The following APBB2 variants were observed in gnomAD, a reference collection of about 807,000 sequenced individuals.
APBB2 encodes amyloid beta precursor protein binding family B member 2.
Under a neutral mutation model 82.5 loss-of-function variants are expected in APBB2, and 38 were observed. The ratio of observed to expected loss-of-function variants is 0.46; its 90% confidence interval spans 0.36 to 0.60. APBB2 has a LOEUF of 0.60. Ranked by LOEUF, APBB2 falls within the 20% of genes least tolerant of loss-of-function variation. APBB2 has a pLI of 0.00. For missense variants in APBB2, 772 were observed against 972.3 expected (o/e 0.79, Z 2.74); for synonymous variants, 341 against 368.2 (o/e 0.93, Z 0.85).
At chr4:40,925,897 C>G (rs1297922681) in intron 10 of APBB2, among the ~76,000 whole-genome samples, 1 of 152,164 alleles carries the variant, frequency 6.6e-6, no homozygotes, top group Non-Finnish European at 1.5e-5. Context: ...AATCTCATGT[C>G]CATTCGCCAT....
At chr4:40,928,322 C>T (rs1223572279) in intron 10 of APBB2, among the ~76,000 whole-genome samples, 1 of 151,460 alleles carries the variant, frequency 6.6e-6, no homozygotes, top group African/African-American at 2.4e-5. Flanking sequence ...GCAGTGGGAT[C>T]GCCTGAGGTC....
At chr4:41,150,747 T>C (rs892514195) in intron 1 of APBB2, among the ~76,000 whole-genome samples, 20 of 152,300 alleles carry the variant, frequency 1.3e-4, no homozygotes, top group African/African-American at 4.8e-4. Context: ...TTTTGTTTGT[T>C]TGTTTGTTCT....
chr4:41,140,906 C>T (rs187645830), intron 2 of APBB2, among the ~76,000 whole-genome samples: 16 of 152,242 alleles, frequency 1.1e-4, no homozygotes, highest in Non-Finnish European at 1.6e-4. Flanking sequence ...GCTCAGGGCT[C>T]CCACTGATTC....
intron 10 of APBB2, among the ~76,000 whole-genome samples, chr4:40,899,197 ATGT>A (rs1192115906): frequency 1.3e-5 from 2 of 152,208 alleles, no homozygotes; most frequent in African/African-American, 4.8e-5. Flanking sequence ...CTCACAACAA[ATGT>A]TGTCAGGATT....
intron 2 of APBB2, among the ~76,000 whole-genome samples, chr4:41,137,757 G>A (rs1757978784): frequency 1.3e-5 from 2 of 152,096 alleles, no homozygotes. Context: ...TCACTGGTTA[G>A]CCTTTTCTGC....
At chr4:41,203,221 CGT>C (rs1777145014) in intron 1 of APBB2, among the ~76,000 whole-genome samples, 1 of 151,788 alleles carries the variant, frequency 6.6e-6, no homozygotes, top group African/African-American at 2.4e-5. Context: ...CACACACACA[CGT>C]GTACACGTAA....
At chr4:41,203,850 A>G (rs780067870) in intron 1 of APBB2, among the ~76,000 whole-genome samples, 2 of 152,224 alleles carry the variant, frequency 1.3e-5, no homozygotes, top group African/African-American at 2.4e-5. Flanking sequence ...AGCATGAGAA[A>G]TCAGCAGCCT....
At chr4:41,133,684 T>A (rs1756726008) in intron 2 of APBB2, among the ~76,000 whole-genome samples, 1 of 152,182 alleles carries the variant, frequency 6.6e-6, no homozygotes, top group African/African-American at 2.4e-5. Context: ...CAGGTGAGAA[T>A]ACTAGAAAAG....
intron 10 of APBB2, among the ~76,000 whole-genome samples, chr4:40,899,777 A>G (rs28513842): frequency 0.039 from 5,880 of 152,244 alleles, 371 homozygotes; most frequent in African/African-American, 0.13. Context: ...CTTTAATGCA[A>G]GCAGCAAAAT....
At chr4:41,090,332 G>A (rs891031272) in intron 3 of APBB2, among the ~76,000 whole-genome samples, 2 of 152,136 alleles carry the variant, frequency 1.3e-5, no homozygotes, top group East Asian at 1.9e-4. Context: ...AGATTTTCTC[G>A]AAGGATGCTA....
intron 1 of APBB2, among the ~76,000 whole-genome samples, chr4:41,192,020 T>C (rs909731840): frequency 3.3e-5 from 5 of 152,120 alleles, no homozygotes; most frequent in African/African-American, 1.2e-4. Context: ...CCAACAGATA[T>C]ATGAAAAGAA....
chr4:41,057,191 C>T (rs1382134341), intron 4 of APBB2, among the ~76,000 whole-genome samples: 1 of 152,242 alleles, frequency 6.6e-6, no homozygotes, highest in Non-Finnish European at 1.5e-5. Context: ...TGTCTCAAGC[C>T]TGTAATCCCA....
intron 3 of APBB2, among the ~76,000 whole-genome samples, chr4:41,077,376 AG>A (rs1433454404): frequency 2.4e-4 from 36 of 152,056 alleles, no homozygotes; most frequent in African/African-American, 8.7e-4. Flanking sequence ...TCTGACAAAT[AG>A]GAACTCCAAA....
At chr4:40,983,555 T>C (rs1799653885) in intron 6 of APBB2, among the ~76,000 whole-genome samples, 1 of 149,512 alleles carries the variant, frequency 6.7e-6, no homozygotes, top group South Asian at 2.2e-4. Context: ...TCCAAGTTTC[T>C]TAACGAAGAG....
intron 6 of APBB2, among the ~76,000 whole-genome samples, chr4:40,963,493 C>G (rs1793834441): frequency 6.6e-6 from 1 of 152,238 alleles, no homozygotes; most frequent in African/African-American, 2.4e-5. Flanking sequence ...AGCGATCCTC[C>G]TGCTTTGGCC....
At chr4:40,858,658 G>A (rs1327454251) in intron 12 of APBB2, among the ~76,000 whole-genome samples, 5 of 152,110 alleles carry the variant, frequency 3.3e-5, no homozygotes, top group East Asian at 1.9e-4. Flanking sequence ...CAACTTTAAT[G>A]TTCATGTTTA....
rs1462423043 is a variant in APBB2, at chr4:40,812,267, A to G, written c.*3825T>C. ...CCGAGTTTCTATTTCTATTCCTTGT[A>G]TATGTGACTAAGATGTCAGATAAAT... On this transcript the variant is annotated 3_prime_UTR_variant, in exon 18 of 18. Coordinates refer to ENST00000508593, the MANE Select transcript of APBB2 (RefSeq NM_004307.2). The G allele has an allele frequency of 6.6e-6, 1 of 152,258 alleles. No individual in the cohort carries two copies. The highest frequency in any genetic ancestry group is 2.4e-5 in the African/African-American group (1 of 41,468). The allele number at this position is 152,258 out of a possible 1,614,324, so 9.4% of individuals were successfully genotyped here.
chr4:40,896,080 T>G (rs1005614915), intron 10 of APBB2, among the ~76,000 whole-genome samples: 3 of 152,090 alleles, frequency 2.0e-5, no homozygotes, highest in Non-Finnish European at 4.4e-5. Context: ...TTTTTTTTTT[T>G]TTGAGACAGG....
chr4:41,117,128 C>A (rs1450197232), intron 2 of APBB2, among the ~76,000 whole-genome samples: 1 of 152,032 alleles, frequency 6.6e-6, no homozygotes, highest in Non-Finnish European at 1.5e-5. Flanking sequence ...TGACACTCTG[C>A]AGCTCACATC....
Sources: allele counts gnomAD v4.1 joint callset (sites outside exome capture counted in the v4.1 genomes callset), GRCh38; gene constraint gnomAD v4.1.1; transcripts MANE v1.5; gene names NCBI Gene and HGNC (gene_info 2026-07-23, HGNC 2026-07-21).